KANSL1: variants seen among roughly 807,000 people sequenced by gnomAD.
The protein encoded by KANSL1 is KAT8 regulatory NSL complex subunit 1, also known as MLL1/MLL complex subunit KANSL1.
In KANSL1, 22 loss-of-function variants were observed where a neutral mutation model predicts 103.6. The observed-to-expected ratio is 0.21, with a 90% CI of 0.15 to 0.30. The LOEUF is 0.30. KANSL1 is among the 10% of genes least tolerant of loss of function. The probability of loss-of-function intolerance (pLI) is 1.00; values close to 1 mark genes in which losing one functional copy is unlikely to be tolerated. For missense variants in KANSL1, 1,337 were observed against 1,399.8 expected, an observed-to-expected ratio of 0.96 and a Z score of 0.72; for synonymous variants, 600 against 527.6, an observed-to-expected ratio of 1.14 and a Z score of -1.88.
rs778213372 is a variant in KANSL1 at position 46,039,111 on chromosome 17, G to A, written c.2308C>T (p.Arg770Cys). ...ACGGGTGGTGGTGGGTTGAGCAAGC[G>A]CTCTGCTTTTGGCGCTGTCACTCGC... ...VERVTAPKAERLLNPPPPVHD... is the reference protein window; with the variant it reads ...VERVTAPKAECLLNPPPPVHD... The change falls in exon 9 of 15, where the codon CGC (arginine) becomes TGC (cysteine). Residue 770 changes from arginine to cysteine, a missense_variant. Around this residue, in one of 2 missense-constraint regions of KANSL1, gnomAD observed 780 missense variants for 923.4 expected, o/e 0.84. Transcript: ENST00000432791. 58 of 1,612,462 alleles carry A rather than the reference G, an allele frequency of 3.6e-5. No individual in the cohort carries two copies. The highest frequency in any genetic ancestry group is 5.0e-5 in the Admixed American group (3 of 59,614).
chr17:46,213,288 T>TGTTG (rs376025054), intron 1 of KANSL1, among the ~76,000 whole-genome samples: 2 of 151,090 alleles, frequency 1.3e-5, no homozygotes, highest in Non-Finnish European at 3.0e-5. Context: ...TTATTTGTTT[T>TGTTG]TTGTTGTTGT....
chr17:46,167,934 C>T (rs1210226776), intron 2 of KANSL1, among the ~76,000 whole-genome samples: 2 of 152,224 alleles, frequency 1.3e-5, no homozygotes, highest in South Asian at 2.1e-4. Flanking sequence ...ATTTAAGCAA[C>T]ATCATTTAAA....
chr17:46,185,372 C>G (rs1206808649), intron 1 of KANSL1, among the ~76,000 whole-genome samples: 1 of 152,194 alleles, frequency 6.6e-6, no homozygotes, highest in Admixed American at 6.5e-5. Context: ...CAGTTATTTA[C>G]TTGACCAAGC....
At chr17:46,050,380 C>T (rs2077670083) in intron 7 of KANSL1, 153 bp downstream of exon 7, 1 of 693,242 alleles carries the variant, frequency 1.4e-6, no homozygotes, top group Admixed American at 2.9e-5. Flanking sequence ...GGATCTGTTA[C>T]AGTCTTTTTG....
At chr17:46,048,774 A>G (rs759253842) in intron 7 of KANSL1, among the ~76,000 whole-genome samples, 6 of 152,238 alleles carry the variant, frequency 3.9e-5, no homozygotes, top group Non-Finnish European at 7.3e-5. Context: ...TTAAAAAATC[A>G]TAATTTCAGA....
chr17:46,204,902 T>TA (rs2047914258), intron 1 of KANSL1, among the ~76,000 whole-genome samples: 1 of 152,170 alleles, frequency 6.6e-6, no homozygotes, highest in African/African-American at 2.4e-5. Context: ...GCTTTCATGA[T>TA]AAAAACACTC....
At chr17:46,170,723 C>T in intron 2 of KANSL1, 132 bp downstream of exon 2, 1 of 1,040,384 alleles carries the variant, frequency 9.6e-7, no homozygotes, top group Non-Finnish European at 1.4e-6. Flanking sequence ...ATCTACCCAA[C>T]ATCAGGGAAA....
At chr17:46,096,661 C>G (rs1023365728) in intron 2 of KANSL1, among the ~76,000 whole-genome samples, 5 of 150,750 alleles carry the variant, frequency 3.3e-5, no homozygotes, top group Non-Finnish European at 7.4e-5. Flanking sequence ...CTCTGTCGCC[C>G]GGGCTGGAGT....
chr17:46,175,306 ATTGCTGTGTGTGTG>A (rs2046465472), intron 1 of KANSL1, among the ~76,000 whole-genome samples: 1 of 135,924 alleles, frequency 7.4e-6, no homozygotes, highest in Admixed American at 7.6e-5. Context: ...AATCTGTCTT[ATTGCTGTGTGTGTG>A]TGTGTGTGTG....
intron 1 of KANSL1, among the ~76,000 whole-genome samples, chr17:46,190,739 C>G (rs2047274326): frequency 6.6e-6 from 1 of 152,228 alleles, no homozygotes; most frequent in African/African-American, 2.4e-5. Flanking sequence ...GAGGTACTAA[C>G]AAATACACCA....
intron 1 of KANSL1, among the ~76,000 whole-genome samples, chr17:46,177,780 C>CCT (rs370739771): frequency 1.4e-5 from 2 of 146,670 alleles, no homozygotes; most frequent in African/African-American, 2.5e-5. Context: ...CAGTAACATT[C>CCT]TTTTTTTTTT....
At chr17:46,069,303 C>T (rs975339848) in intron 4 of KANSL1, among the ~76,000 whole-genome samples, 6 of 152,126 alleles carry the variant, frequency 3.9e-5, no homozygotes, top group African/African-American at 1.4e-4. Context: ...GGTAAATATT[C>T]CTATAAATGC....
intron 1 of KANSL1, among the ~76,000 whole-genome samples, chr17:46,213,274 C>T (rs1167049052): frequency 6.6e-6 from 1 of 151,984 alleles, no homozygotes; most frequent in African/African-American, 2.4e-5. Flanking sequence ...GGGGGACAAG[C>T]GTTTTATTTG....
intron 2 of KANSL1, among the ~76,000 whole-genome samples, chr17:46,165,603 T>C (rs4792844): frequency 0.14 from 21,927 of 151,816 alleles, 2,137 homozygotes; most frequent in Non-Finnish European, 0.22. Context: ...TCCTGCCTCC[T>C]GGGTTCAAGT....
chr17:46,166,709 T>C (rs2147683086), intron 2 of KANSL1, among the ~76,000 whole-genome samples: 1 of 152,008 alleles, frequency 6.6e-6, no homozygotes, highest in Admixed American at 6.6e-5. Context: ...AACATGAAAA[T>C]AGGGAAACAA....
chr17:46,103,464 A>T (rs765535313), intron 2 of KANSL1, among the ~76,000 whole-genome samples: 2 of 152,232 alleles, frequency 1.3e-5, no homozygotes, highest in Non-Finnish European at 2.9e-5. Context: ...TATATTTTAT[A>T]ATCTAAAAAA....
intron 1 of KANSL1, among the ~76,000 whole-genome samples, chr17:46,186,218 C>T (rs1029515782): frequency 2.1e-4 from 29 of 135,910 alleles, no homozygotes; most frequent in African/African-American, 8.5e-4. Context: ...TACTAAAATG[C>T]AAAAAAAAAA....
At chr17:46,059,632 A>G (rs1269647678) in intron 6 of KANSL1, among the ~76,000 whole-genome samples, 1 of 71,698 alleles carries the variant, frequency 1.4e-5, no homozygotes, top group Non-Finnish European at 2.8e-5. Context: ...TGACTCCAAA[A>G]AAAAAAAAAA....
At chr17:46,039,480 A>G in intron 8 of KANSL1, 1 of 613,392 alleles carries the variant, frequency 1.6e-6, no homozygotes, top group South Asian at 2.2e-5. Context: ...CTGTTCACTG[A>G]GCATTTTGGG....
Sources: gnomAD v4.1 joint callset for allele counts (sites outside exome capture counted in the v4.1 genomes callset) on GRCh38, gnomAD v4.1.1 for gene constraint, gnomAD v4.1.1 regional missense constraint, MANE v1.5 for transcripts, NCBI Gene and HGNC (gene_info 2026-07-23, HGNC 2026-07-21) for gene names.